TBC1D1: variants seen among roughly 807,000 people sequenced by gnomAD.
TBC1D1 encodes TBC1 domain family member 1.
A neutral mutation model predicts 125.6 loss-of-function variants in TBC1D1; 89 were observed. The observed-to-expected ratio is 0.71, with a 90% CI of 0.60 to 0.85. The LOEUF (loss-of-function observed/expected upper bound fraction) is 0.85. Among genes scored for constraint, TBC1D1 ranks in the 40% least tolerant of loss-of-function variants. TBC1D1 has a pLI of 0.00. For missense variants in TBC1D1, 1,377 were observed against 1,469.2 expected (o/e 0.94, Z 1.03); for synonymous variants, 565 against 564.1 (o/e 1.00, Z -0.02).
intron 2 of TBC1D1, among the ~76,000 whole-genome samples, chr4:37,943,938 G>C (rs1213136105): frequency 6.6e-6 from 1 of 152,150 alleles, no homozygotes; most frequent in Non-Finnish European, 1.5e-5. Flanking sequence ...CAGCTTTTCT[G>C]CTCTGTTTTT....
At chr4:38,102,475 G>A (rs1760533765) in intron 14 of TBC1D1, among the ~76,000 whole-genome samples, 1 of 152,106 alleles carries the variant, frequency 6.6e-6, no homozygotes, top group African/African-American at 2.4e-5. Context: ...GTGAGAAGAA[G>A]GGAGGAAGGG....
intron 15 of TBC1D1, among the ~76,000 whole-genome samples, chr4:38,113,289 C>T (rs949081023): frequency 2.0e-5 from 3 of 152,176 alleles, no homozygotes; most frequent in African/African-American, 7.2e-5. Flanking sequence ...GCTCTGCCCC[C>T]ACCATCTGAC....
intron 2 of TBC1D1, among the ~76,000 whole-genome samples, chr4:37,987,071 T>C (rs1735623291): frequency 6.6e-6 from 1 of 152,192 alleles, no homozygotes; most frequent in African/African-American, 2.4e-5. Flanking sequence ...GTGTGTGTAA[T>C]GGATCTCTTC....
chr4:38,012,745 A>G (rs989423706), intron 2 of TBC1D1, among the ~76,000 whole-genome samples: 2 of 152,202 alleles, frequency 1.3e-5, no homozygotes, highest in African/African-American at 4.8e-5. Flanking sequence ...AAAGTGGGCT[A>G]TAACCAAGCA....
At chr4:37,922,406 C>T (rs999900337) in intron 2 of TBC1D1, among the ~76,000 whole-genome samples, 2 of 152,180 alleles carry the variant, frequency 1.3e-5, no homozygotes, top group Non-Finnish European at 2.9e-5. Flanking sequence ...ACTCTAACTA[C>T]AAGGTGGAGA....
At chr4:37,908,735 G>T (rs752733473) in intron 2 of TBC1D1, among the ~76,000 whole-genome samples, 7 of 152,094 alleles carry the variant, frequency 4.6e-5, no homozygotes. Flanking sequence ...TGCTAGCCTG[G>T]TTCCTCCCTC....
chr4:37,945,552 G>T (rs1173424216), intron 2 of TBC1D1, among the ~76,000 whole-genome samples: 2 of 35,308 alleles, frequency 5.7e-5, no homozygotes, highest in East Asian at 7.7e-4. Flanking sequence ...AAAAAAAAAA[G>T]CCTAGAAGCA....
intron 15 of TBC1D1, among the ~76,000 whole-genome samples, chr4:38,106,135 A>C (rs1761261022): frequency 6.6e-6 from 1 of 152,122 alleles, no homozygotes; most frequent in Non-Finnish European, 1.5e-5. Flanking sequence ...CTCGGCTTCT[A>C]GGACAGTGGC....
chr4:38,073,780 TTACGTAAGGAGAAGG>T (rs1160271144), intron 12 of TBC1D1, among the ~76,000 whole-genome samples: 1 of 152,050 alleles, frequency 6.6e-6, no homozygotes, highest in Non-Finnish European at 1.5e-5. Flanking sequence ...CAGGAGCTTG[TTACGTAAGGAGAAGG>T]CAGCCGGTCC....
intron 2 of TBC1D1, among the ~76,000 whole-genome samples, chr4:37,908,164 T>C (rs1717748896): frequency 6.6e-6 from 1 of 152,044 alleles, no homozygotes; most frequent in African/African-American, 2.4e-5. Flanking sequence ...GCAGAGTGTG[T>C]GCCGGGCCCA....
intron 12 of TBC1D1, among the ~76,000 whole-genome samples, chr4:38,086,014 A>G (rs1157080272): frequency 6.6e-6 from 1 of 152,200 alleles, no homozygotes; most frequent in Non-Finnish European, 1.5e-5. Flanking sequence ...AAAGCAGCTT[A>G]CTTTCTTTGG....
At chr4:38,010,938 T>C (rs181705689) in intron 2 of TBC1D1, among the ~76,000 whole-genome samples, 1 of 152,288 alleles carries the variant, frequency 6.6e-6, no homozygotes, top group East Asian at 1.9e-4. Flanking sequence ...TGTATAGAAA[T>C]AAAATGAAGT....
intron 12 of TBC1D1, among the ~76,000 whole-genome samples, chr4:38,069,451 A>C (rs1216671478): frequency 6.6e-6 from 1 of 152,192 alleles, no homozygotes; most frequent in African/African-American, 2.4e-5. Context: ...AAAATGACTC[A>C]AACTAGCTTA....
intron 2 of TBC1D1, among the ~76,000 whole-genome samples, chr4:37,983,144 G>A (rs1734714488): frequency 1.7e-5 from 2 of 114,332 alleles, no homozygotes; most frequent in South Asian, 2.7e-4. Flanking sequence ...TTTTTTTTCA[G>A]ACGGAGTCTC....
chr4:37,997,313 T>C (rs1055913030), intron 2 of TBC1D1, among the ~76,000 whole-genome samples: 2 of 152,252 alleles, frequency 1.3e-5, no homozygotes, highest in Non-Finnish European at 2.9e-5. Flanking sequence ...TCTAAAGTTT[T>C]TGGTTTCTGG....
intron 2 of TBC1D1, among the ~76,000 whole-genome samples, chr4:37,937,957 A>G (rs1724734558): frequency 6.6e-6 from 1 of 152,156 alleles, no homozygotes; most frequent in Non-Finnish European, 1.5e-5. Context: ...TAACATTGTG[A>G]TGGGTAAGCA....
chr4:38,068,932 G>T (rs1452801127), intron 12 of TBC1D1, among the ~76,000 whole-genome samples: 6 of 152,206 alleles, frequency 3.9e-5, no homozygotes, highest in Non-Finnish European at 8.8e-5. Flanking sequence ...CTTCAGGGTG[G>T]TGCTTGTGTT....
At chr4:38,003,190 A>G (rs1293944134) in intron 2 of TBC1D1, among the ~76,000 whole-genome samples, 1 of 152,212 alleles carries the variant, frequency 6.6e-6, no homozygotes, top group Non-Finnish European at 1.5e-5. Flanking sequence ...AATTAGATCT[A>G]TAACTAAATT....
chr4:38,054,165 C>G (rs768994125), intron 11 of TBC1D1, 34 bp from the exon 14 acceptor site: 3 of 1,602,690 alleles, frequency 1.9e-6, no homozygotes, highest in East Asian at 4.5e-5. Context: ...AATTCCTCCC[C>G]ACTAGTCATA....
Sources: gnomAD v4.1 joint callset for allele counts (sites outside exome capture counted in the v4.1 genomes callset) on GRCh38, gnomAD v4.1.1 for gene constraint, MANE v1.5 for transcripts, NCBI Gene and HGNC (gene_info 2026-07-23, HGNC 2026-07-21) for gene names.